The following ANKRD17 variants were observed in gnomAD, a reference collection of about 807,000 sequenced individuals.
ANKRD17 encodes ankyrin repeat domain-containing protein 17.
In ANKRD17, 19 loss-of-function variants were observed where a neutral mutation model predicts 229.7. That is an observed-to-expected ratio of 0.08 (90% CI 0.06 to 0.12). The LOEUF (loss-of-function observed/expected upper bound fraction) is 0.12, where lower values mean the gene tolerates loss of function less well. Among genes scored for constraint, ANKRD17 ranks in the 10% least tolerant of loss-of-function variants. The probability of loss-of-function intolerance (pLI) is 1.00; values close to 1 mark genes in which losing one functional copy is unlikely to be tolerated. For missense variants in ANKRD17, 2,176 were observed against 3,176.8 expected (o/e 0.68, Z 7.57); for synonymous variants, 1,112 against 1,146.1 (o/e 0.97, Z 0.60).
intron 2 of ANKRD17, among the ~76,000 whole-genome samples, chr4:73,163,736 AG>A (rs1310319599): frequency 6.6e-6 from 1 of 152,242 alleles, no homozygotes; most frequent in Non-Finnish European, 1.5e-5. Flanking sequence ...TATCTGCAAA[AG>A]CAACAATTAG....
chr4:73,235,686 C>T (rs1743437053), intron 1 of ANKRD17, among the ~76,000 whole-genome samples: 1 of 151,994 alleles, frequency 6.6e-6, no homozygotes, highest in Non-Finnish European at 1.5e-5. Context: ...GTTAAACATA[C>T]AATAAGGAAA....
At chr4:73,249,555 G>C (rs1283133287) in intron 1 of ANKRD17, among the ~76,000 whole-genome samples, 3 of 152,188 alleles carry the variant, frequency 2.0e-5, no homozygotes, top group African/African-American at 7.2e-5. Context: ...TAAGCAATAA[G>C]AATATACTTA....
intron 16 of ANKRD17, among the ~76,000 whole-genome samples, chr4:73,129,831 C>T (rs1727957995): frequency 6.7e-6 from 1 of 149,928 alleles, no homozygotes; most frequent in Non-Finnish European, 1.5e-5. Flanking sequence ...GTGGCTCACT[C>T]AGCTCACTGC....
intron 16 of ANKRD17, among the ~76,000 whole-genome samples, chr4:73,134,634 A>G (rs944459244): frequency 4.6e-5 from 7 of 152,190 alleles, no homozygotes; most frequent in Non-Finnish European, 7.3e-5. Flanking sequence ...CCGTACAGCT[A>G]AATTTTACAA....
At chr4:73,232,563 C>T (rs566733279) in intron 1 of ANKRD17, among the ~76,000 whole-genome samples, 1 of 152,156 alleles carries the variant, frequency 6.6e-6, no homozygotes, top group Non-Finnish European at 1.5e-5. Context: ...AAAAGAGTCA[C>T]ATTTGTATTC....
At chr4:73,193,953 AT>A (rs1394183608) in intron 1 of ANKRD17, among the ~76,000 whole-genome samples, 1 of 152,062 alleles carries the variant, frequency 6.6e-6, no homozygotes, top group Non-Finnish European at 1.5e-5. Flanking sequence ...CAAAAAAATC[AT>A]CTTTTTATTG....
chr4:73,174,404 T>C (rs1734460999), intron 2 of ANKRD17, among the ~76,000 whole-genome samples: 1 of 152,156 alleles, frequency 6.6e-6, no homozygotes, highest in Admixed American at 6.5e-5. Context: ...TTAAAACCTT[T>C]AGCAAAACTG....
chr4:73,246,705 G>A (rs775438865), intron 1 of ANKRD17, among the ~76,000 whole-genome samples: 42 of 152,100 alleles, frequency 2.8e-4, no homozygotes, highest in Non-Finnish European at 4.4e-4. Context: ...TTTGCTGTGC[G>A]GGGTAAAAGG....
intron 1 of ANKRD17, among the ~76,000 whole-genome samples, chr4:73,200,840 A>T (rs372270921): frequency 6.6e-6 from 1 of 152,032 alleles, no homozygotes. Flanking sequence ...GTACTCTTGT[A>T]ATCAGTCATT....
chr4:73,214,058 A>AC (rs1244851620), intron 1 of ANKRD17, among the ~76,000 whole-genome samples: 1 of 152,208 alleles, frequency 6.6e-6, no homozygotes, highest in Admixed American at 6.5e-5. Context: ...TGCATTCACT[A>AC]CTTCCTTCAG....
intron 22 of ANKRD17, among the ~76,000 whole-genome samples, chr4:73,117,976 TTTAA>T (rs1435575473): frequency 6.6e-5 from 10 of 152,194 alleles, no homozygotes; most frequent in South Asian, 2.1e-4. Context: ...ATTTTCATTA[TTTAA>T]TTCATTTTTT....
chr4:73,181,317 G>T (rs1031273153), intron 1 of ANKRD17, among the ~76,000 whole-genome samples: 1 of 152,152 alleles, frequency 6.6e-6, no homozygotes, highest in Non-Finnish European at 1.5e-5. Flanking sequence ...TGCTATGTAG[G>T]ACCCTACTTC....
chr4:73,249,062 A>G (rs1195490385), intron 1 of ANKRD17, among the ~76,000 whole-genome samples: 1 of 152,180 alleles, frequency 6.6e-6, no homozygotes, highest in Non-Finnish European at 1.5e-5. Context: ...GGTTGACAGG[A>G]AAAGAGGGAA....
chr4:73,187,853 C>T (rs1172498673), intron 1 of ANKRD17, among the ~76,000 whole-genome samples: 1 of 152,078 alleles, frequency 6.6e-6, no homozygotes, highest in Non-Finnish European at 1.5e-5. Context: ...TGAAATAATG[C>T]CAAAAGCCTA....
chr4:73,098,817 G>T, intron 25 of ANKRD17: 1 of 1,521,506 alleles, frequency 6.6e-7, no homozygotes, highest in Non-Finnish European at 9.1e-7. Flanking sequence ...CTTAGAGAAG[G>T]GAAGATGAGT....
At position 73,174,093 on chromosome 4, in the gene ANKRD17, AGAAGGAAGGAAG is replaced by A. The variant is rs71217453; in HGVS notation, c.547+3275_547+3286del. ...GAAGGAAGGCGAGGGAAGGGAGGGG[AGAAGGAAGGAAG>A]GAAGGAAGGAAGGAAGGAAGGAAGG... On this transcript the variant is annotated intron_variant, in intron 2 of 33. Transcript: ENST00000358602. Among the ~76,000 whole-genome samples, 377 of 111,204 alleles carry A rather than the reference AGAAGGAAGGAAG, an allele frequency of 3.4e-3. 5 individuals are homozygous for A. Among genetic ancestry groups the A allele is most frequent in the East Asian group, 0.018 (68 of 3,854 alleles). 73.0% of individuals were successfully genotyped at this position (111,204 alleles called of 152,430 possible). A position where few individuals can be genotyped will look rare whatever the true frequency, so the allele number is the denominator to read the frequency against.
At chr4:73,191,415 G>A (rs1248085328) in intron 1 of ANKRD17, among the ~76,000 whole-genome samples, 1 of 138,438 alleles carries the variant, frequency 7.2e-6, no homozygotes, top group Non-Finnish European at 1.6e-5. Flanking sequence ...AAATCTACTA[G>A]AAACATAAAT....
At chr4:73,219,460 A>C (rs1741571368) in intron 1 of ANKRD17, among the ~76,000 whole-genome samples, 1 of 152,226 alleles carries the variant, frequency 6.6e-6, no homozygotes, top group African/African-American at 2.4e-5. Context: ...ACTATTTACC[A>C]TTAGTCCACA....
chr4:73,216,215 T>C (rs1042610464), intron 1 of ANKRD17, among the ~76,000 whole-genome samples: 2 of 152,222 alleles, frequency 1.3e-5, no homozygotes, highest in Non-Finnish European at 2.9e-5. Flanking sequence ...ATAATTATTT[T>C]TTTATAAAAG....
Sources: gnomAD v4.1 joint callset for allele counts (sites outside exome capture counted in the v4.1 genomes callset) on GRCh38, gnomAD v4.1.1 for gene constraint, MANE v1.5 for transcripts, NCBI Gene and HGNC (gene_info 2026-07-23, HGNC 2026-07-21) for gene names.